Variants in TLK2 observed in about 807,000 individuals in gnomAD.
The protein encoded by TLK2 is tousled like kinase 2, also known as serine/threonine-protein kinase tousled-like 2.
TLK2 carries 6 observed loss-of-function variants against 117.3 expected under a neutral mutation model. The observed-to-expected ratio is 0.05, with a 90% CI of 0.03 to 0.10. The LOEUF (loss-of-function observed/expected upper bound fraction) is 0.10, where lower values mean the gene tolerates loss of function less well. TLK2 is among the 10% of genes least tolerant of loss of function. The probability of loss-of-function intolerance (pLI) is 1.00; values close to 1 mark genes in which losing one functional copy is unlikely to be tolerated. For synonymous variants in TLK2, 257 were observed against 316.7 expected (o/e 0.81, Z 2.00); for missense variants, 299 against 901.2 (o/e 0.33, Z 8.56).
chr17:62,594,646 A>G (rs1405993683), intron 16 of TLK2, among the ~76,000 whole-genome samples: 2 of 152,242 alleles, frequency 1.3e-5, no homozygotes, highest in South Asian at 2.1e-4. Context: ...CTTTATATAC[A>G]TTTAAGAAAG....
chr17:62,612,569 T>C lies in TLK2; in HGVS notation c.*4T>C, dbSNP rs1568028570. ...CAATAACAGTTCTTCTAATTGAGAC[T>C]GACTCCAAGGCCACAAACTGTTCAA... is the stretch of plus-strand genomic sequence containing the variant. On this transcript the variant is annotated 3_prime_UTR_variant, in exon 22 of 22. Coordinates refer to ENST00000346027, the MANE Select transcript of TLK2 (RefSeq NM_006852.6). 4 of 1,609,338 alleles carry C rather than the reference T, an allele frequency of 2.5e-6. No homozygotes were observed. In the African/African-American group the frequency reaches 4.0e-5, roughly 16 times the overall value.
intron 1 of TLK2, among the ~76,000 whole-genome samples, chr17:62,479,597 C>T (rs1410291954): frequency 1.3e-5 from 2 of 152,140 alleles, no homozygotes; most frequent in Admixed American, 1.3e-4. Flanking sequence ...AGCCGGCCCT[C>T]CCTTCCTCCG....
At chr17:62,609,608 A>G (rs1163982062) in intron 21 of TLK2, among the ~76,000 whole-genome samples, 3 of 152,220 alleles carry the variant, frequency 2.0e-5, no homozygotes, top group Non-Finnish European at 4.4e-5. Flanking sequence ...TCAAATCTGC[A>G]AGGGAGAAGT....
intron 17 of TLK2, 161 bp from the exon 18 acceptor site, chr17:62,600,490 C>A: frequency 1.7e-6 from 1 of 591,560 alleles, no homozygotes; most frequent in Non-Finnish European, 2.8e-6. Context: ...TACCAGAAAC[C>A]CCTCAGCTAA....
At chr17:62,476,818 AC>A (rs1335084040), upstream of TLK2, among the ~76,000 whole-genome samples, 1 of 151,796 alleles carries the variant, frequency 6.6e-6, no homozygotes, top group Non-Finnish European at 1.5e-5. Context: ...GCGGTGGCTA[AC>A]GCTTGAAATC....
intron 6 of TLK2, among the ~76,000 whole-genome samples, chr17:62,530,209 G>A (rs1053216228): frequency 1.3e-5 from 2 of 151,444 alleles, no homozygotes; most frequent in African/African-American, 4.9e-5. Context: ...GGGAGGCAGA[G>A]GTTGCAGTGA....
intron 15 of TLK2, among the ~76,000 whole-genome samples, chr17:62,584,734 T>G (rs1012825331): frequency 1.3e-5 from 2 of 152,226 alleles, no homozygotes; most frequent in African/African-American, 4.8e-5. Flanking sequence ...ACTTTAAACA[T>G]ACTGGTTTTA....
intron 7 of TLK2, among the ~76,000 whole-genome samples, chr17:62,536,926 T>G (rs2077154466): frequency 6.6e-6 from 1 of 152,246 alleles, no homozygotes; most frequent in South Asian, 2.1e-4. Flanking sequence ...TTGAGTATTA[T>G]GAAAGTTTGA....
At chr17:62,557,685 C>T (rs2078959859) in intron 9 of TLK2, among the ~76,000 whole-genome samples, 1 of 152,154 alleles carries the variant, frequency 6.6e-6, no homozygotes, top group South Asian at 2.1e-4. Flanking sequence ...ATTCCAGTAT[C>T]TGTCAGGGTT....
intron 15 of TLK2, among the ~76,000 whole-genome samples, chr17:62,584,218 G>A (rs991289315): frequency 2.1e-5 from 3 of 139,922 alleles, no homozygotes; most frequent in Non-Finnish European, 3.0e-5. Context: ...CCGGGTTCAC[G>A]CCATTCTCCT....
In TLK2 at chr17:62,581,438, CTT is replaced by C. The variant is rs11334252; in HGVS notation, c.1368+1262_1368+1263del. On this transcript the variant is annotated intron_variant, in intron 15 of 21. Transcript: ENST00000346027. Reference sequence around the variant, plus strand: ...TCTACTGGTTTTGATATTCTAGTATCTTTTTTTTTTTTTTTTTGGAGACATTG... The same window carrying C: ...TCTACTGGTTTTGATATTCTAGTATCTTTTTTTTTTTTTTTGGAGACATTG... 6.8e-3 allele frequency among the ~76,000 whole-genome samples: 822 copies of C among 121,242 alleles called. 6 individuals carry two copies. The highest frequency in any genetic ancestry group is 0.021 in the African/African-American group (654 of 31,788). 79.5% of individuals were successfully genotyped at this position (121,242 alleles called of 152,430 possible).
chr17:62,576,073 T>TGA (rs2080764306), intron 12 of TLK2, among the ~76,000 whole-genome samples: 1 of 152,246 alleles, frequency 6.6e-6, no homozygotes, highest in Non-Finnish European at 1.5e-5. Flanking sequence ...GTCAGCCCTT[T>TGA]GAGAGTTGAT....
intron 7 of TLK2, among the ~76,000 whole-genome samples, chr17:62,540,071 T>C (rs1384539110): frequency 7.2e-6 from 1 of 137,948 alleles, no homozygotes; most frequent in Admixed American, 7.4e-5. Context: ...TCTTTCTCCT[T>C]TCTTCTTTCT....
rs2071962416 is a variant in TLK2 at position 62,483,592 on chromosome 17, T to C, written c.81+2386T>C. Among the ~76,000 whole-genome samples the C allele has an allele frequency of 2.6e-5, 4 of 152,310 alleles. No homozygotes were observed. In the South Asian group the frequency reaches 8.3e-4, roughly 32 times the overall value. The stretch of plus-strand genomic sequence containing the variant: ...ATCTCGGCTCACCTCAACCTCCATC[T>C]CCCAGTCTCAAGCAATTCTCCTGCC... On this transcript the variant is annotated intron_variant, in intron 2 of 21. Coordinates refer to ENST00000346027, the MANE Select transcript of TLK2 (RefSeq NM_006852.6).
intron 2 of TLK2, among the ~76,000 whole-genome samples, chr17:62,488,047 C>G (rs1189301198): frequency 6.6e-6 from 1 of 152,136 alleles, no homozygotes; most frequent in Non-Finnish European, 1.5e-5. Context: ...TCAAGCGATT[C>G]TGCTGCCTCA....
chr17:62,496,988 C>T (rs1299437840), intron 2 of TLK2, among the ~76,000 whole-genome samples: 11 of 151,142 alleles, frequency 7.3e-5, no homozygotes, highest in Admixed American at 2.6e-4. Flanking sequence ...GTTCTTTGGC[C>T]AGGGACAGTG....
At chr17:62,547,746 A>T (rs1458341127) in intron 7 of TLK2, among the ~76,000 whole-genome samples, 1 of 152,198 alleles carries the variant, frequency 6.6e-6, no homozygotes, top group Non-Finnish European at 1.5e-5. Context: ...CCCATATACC[A>T]TATATCAAGA....
upstream of TLK2, among the ~76,000 whole-genome samples, chr17:62,478,516 C>A (rs1300641332): frequency 6.7e-6 from 1 of 149,822 alleles, no homozygotes; most frequent in Non-Finnish European, 1.5e-5. Flanking sequence ...GCGCCCCGGG[C>A]CGCCGGACCT....
intron 7 of TLK2, among the ~76,000 whole-genome samples, chr17:62,539,350 GTCTT>G (rs2077338929): frequency 6.6e-6 from 1 of 152,000 alleles, no homozygotes; most frequent in Non-Finnish European, 1.5e-5. Context: ...TAAGCATACG[GTCTT>G]TCACTCGGCT....
Sources: gnomAD v4.1 joint callset for allele counts (sites outside exome capture counted in the v4.1 genomes callset) on GRCh38, gnomAD v4.1.1 for gene constraint, MANE v1.5 for transcripts, NCBI Gene and HGNC (gene_info 2026-07-23, HGNC 2026-07-21) for gene names.